Variants in GLYCTK observed in about 807,000 individuals in gnomAD.
GLYCTK encodes glycerate kinase.
GLYCTK carries 22 observed loss-of-function variants against 24.8 expected under a neutral mutation model. The observed-to-expected ratio is 0.89, with a 90% CI of 0.63 to 1.27. The LOEUF (loss-of-function observed/expected upper bound fraction) is 1.27, where lower values mean the gene tolerates loss of function less well. Among genes scored for constraint, GLYCTK ranks in the 50% most tolerant of loss-of-function variants. The probability of loss-of-function intolerance (pLI) is 0.00; values close to 1 mark genes in which losing one functional copy is unlikely to be tolerated. For missense variants in GLYCTK, 684 were observed against 686.7 expected (o/e 1.00, Z 0.04); for synonymous variants, 320 against 297.2 (o/e 1.08, Z -0.79).
chr3:52,292,083 G>A (rs915090217), intron 4 of GLYCTK, among the ~76,000 whole-genome samples, 161 bp downstream of exon 4: 2 of 152,230 alleles, frequency 1.3e-5, no homozygotes, highest in Non-Finnish European at 2.9e-5. Flanking sequence ...CAGAGACGGG[G>A]AGGAGGTGCC....
In GLYCTK at chr3:52,293,045, G is replaced by A. The variant is rs1174681511; in HGVS notation, c.1491G>A (p.Gln497=). The A allele has an allele frequency of 6.2e-7, 1 of 1,614,144 alleles. No homozygotes were observed. The highest frequency in any genetic ancestry group is 8.5e-7 in the Non-Finnish European group (1 of 1,180,032). The stretch of plus-strand genomic sequence containing the variant: ...CACATACCTTCTTCTGCTGCCTCCA[G>A]GGTGGGGCACACCTGCTGCACACAG... ...NDSHTFFCCL[Q]GGAHLLHTGM... The change falls in exon 5 of 5, where the codon CAG becomes CAA. Residue 497 remains glutamine, a synonymous_variant. Transcript: ENST00000436784.
chr3:52,295,078 AC>A lies in GLYCTK; in HGVS notation c.*1956del. On this transcript the variant is annotated 3_prime_UTR_variant, in exon 5 of 5. Transcript: ENST00000436784. Reference sequence around the variant, plus strand: ...GCTGGGAGGCCAGGGCCCGGATTGGACCCCATAGGGCCAAATGGTCTGTGAG... The same window carrying A: ...GCTGGGAGGCCAGGGCCCGGATTGGACCCATAGGGCCAAATGGTCTGTGAG... The A allele has an allele frequency of 2.2e-6, 1 of 453,836 alleles. No individual in the cohort carries two copies. 28.1% of individuals were successfully genotyped at this position (453,836 alleles called of 1,614,324 possible).
rs1171689829 is a variant in GLYCTK at position 52,293,999 on chromosome 3, A to T, written c.*873A>T. On this transcript the variant is annotated 3_prime_UTR_variant, in exon 5 of 5. Coordinates refer to ENST00000436784, the MANE Select transcript of GLYCTK (RefSeq NM_145262.4). Reference sequence around the variant, plus strand: ...GGGACCAAGTCCAGACCCTGAAGTCAGCCCTTCAGTGGGGGTCCCAGCACT... The same window carrying T: ...GGGACCAAGTCCAGACCCTGAAGTCTGCCCTTCAGTGGGGGTCCCAGCACT... The T allele has an allele frequency of 7.0e-6, 3 of 428,418 alleles. No homozygotes were observed. The highest frequency in any genetic ancestry group is 3.3e-5 in the South Asian group (2 of 60,616). The allele number at this position is 428,418 out of a possible 1,614,324, so 26.5% of individuals were successfully genotyped here.
In GLYCTK at chr3:52,293,650, AGT is replaced by A. The variant is rs575275705; in HGVS notation, c.*530_*531del. On this transcript the variant is annotated 3_prime_UTR_variant, in exon 5 of 5. Transcript: ENST00000436784. ...CGGGAGCCTGTGCCCATCCCTCTGG[AGT>A]GTGTGAGGGTTGAGCTTGGCTCCTG... 416 of 454,212 alleles carry A rather than the reference AGT, an allele frequency of 9.2e-4. 1 individual carries two copies. Among genetic ancestry groups the A allele is most frequent in the Non-Finnish European group, 1.3e-3 (300 of 226,962 alleles). 28.1% of individuals were successfully genotyped at this position (454,212 alleles called of 1,614,324 possible).
chr3:52,293,790 C>T lies in GLYCTK; in HGVS notation c.*664C>T, dbSNP rs1471278215. 4.4e-6 allele frequency: 2 copies of T among 453,742 alleles called. No individual in the cohort carries two copies. Among genetic ancestry groups the T allele is most frequent in the Non-Finnish European group, 8.8e-6 (2 of 226,626 alleles). 28.1% of individuals were successfully genotyped at this position (453,742 alleles called of 1,614,324 possible). A position where few individuals can be genotyped will look rare whatever the true frequency, so the allele number is the denominator to read the frequency against. On this transcript the variant is annotated 3_prime_UTR_variant, in exon 5 of 5. Transcript: ENST00000436784. ...CATGACTCCACCATGGCACTGTCAC[C>T]ATGGCTTCTCCAGCCTCAGCTTGTA...
In GLYCTK at chr3:52,293,936, T is replaced by C. The variant is rs1375671092; in HGVS notation, c.*810T>C. 2.2e-6 allele frequency: 1 copy of C among 453,100 alleles called. No individual in the cohort carries two copies. The highest frequency in any genetic ancestry group is 4.4e-6 in the Non-Finnish European group (1 of 226,144). The allele number at this position is 453,100 out of a possible 1,614,324, so 28.1% of individuals were successfully genotyped here. ...TGTTTCCTTGTGACAGCCCTTGTCC[T>C]AGGCTGAACATCCCTAGTTCCTTCA... On this transcript the variant is annotated 3_prime_UTR_variant, in exon 5 of 5. Coordinates refer to ENST00000436784, the MANE Select transcript of GLYCTK (RefSeq NM_145262.4).
At position 52,292,629 on chromosome 3, in the gene GLYCTK, C is replaced by T; in HGVS notation, c.1075C>T (p.Leu359Phe). Residue 359 changes from leucine to phenylalanine, a missense_variant, in exon 5 of 5, where the codon CTC becomes TTC. Physicochemically the swap from Leu to Phe is conservative, Grantham distance 22. Coordinates refer to ENST00000436784, the MANE Select transcript of GLYCTK (RefSeq NM_145262.4). ...GLLAHVARTR[L>F]TPSMAGASVE... ...GCTGGCCCATGTGGCTAGAACCCGCCTCACCCCATCCATGGCTGGGGCTTC... is the reference window on the plus strand; with the variant it reads ...GCTGGCCCATGTGGCTAGAACCCGCTTCACCCCATCCATGGCTGGGGCTTC... 1.2e-6 allele frequency: 2 copies of T among 1,610,460 alleles called. No homozygotes were observed. The highest frequency in any genetic ancestry group is 1.7e-6 in the Non-Finnish European group (2 of 1,177,472).
Position 52,290,727 on chromosome 3 carries a change from G to C in GLYCTK, c.377+8G>C. The C allele has an allele frequency of 6.2e-7, 1 of 1,608,720 alleles. No homozygotes were observed. The highest frequency in any genetic ancestry group is 8.5e-7 in the Non-Finnish European group (1 of 1,176,524). On this transcript the variant is annotated splice_region_variant and intron_variant, in intron 2 of 4. Coordinates refer to ENST00000436784, the MANE Select transcript of GLYCTK (RefSeq NM_145262.4). ...GGAGCGTGCCGGCAAGCAGTAAGGA[G>C]CCATGGGGGCCTGCCTCCCTCTATC...
chr3:52,290,241 C>A, intron 1 of GLYCTK, 63 bp from the exon 2 acceptor site: 4 of 1,388,350 alleles, frequency 2.9e-6, no homozygotes, highest in Non-Finnish European at 3.9e-6. Context: ...CTCAGAGGGG[C>A]GGCCGTGGGG....
intron 2 of GLYCTK, 87 bp from the exon 3 acceptor site, chr3:52,290,873 A>C: frequency 1.3e-6 from 2 of 1,598,474 alleles, no homozygotes; most frequent in Non-Finnish European, 1.7e-6. Context: ...ATCTTCGTTC[A>C]TGCCCCCATC....
At chr3:52,290,886 C>A (rs1486592257) in intron 2 of GLYCTK, 74 bp from the exon 3 acceptor site, 18 of 1,604,390 alleles carry the variant, frequency 1.1e-5, no homozygotes, top group Non-Finnish European at 1.3e-5. Context: ...CCCCCATCAC[C>A]TGTAAAGTTG....
Position 52,292,355 on chromosome 3 carries a change from C to A in GLYCTK, c.801C>A (p.Cys267Ter). ...CCAGTTCCCACAATGTGCAAGATTG[C>A]CTGCATATCCTCAATCGCTACGGCC... ...TVASSHNVQD[C>*]LHILNRYGLR... The change falls in exon 5 of 5, where the codon TGC (cysteine) becomes TGA (stop). Residue 267 changes from cysteine to a stop codon, truncating the protein, a stop_gained. Transcript: ENST00000436784. LOFTEE classifies it high-confidence loss of function. The A allele has an allele frequency of 6.2e-7, 1 of 1,614,022 alleles. No homozygotes were observed. The highest frequency in any genetic ancestry group is 8.5e-7 in the Non-Finnish European group (1 of 1,180,004).
Position 52,293,398 on chromosome 3 carries a change from G to A in GLYCTK, c.*272G>A, listed in dbSNP as rs1490959333. On this transcript the variant is annotated 3_prime_UTR_variant, in exon 5 of 5. Transcript: ENST00000436784. The stretch of plus-strand genomic sequence containing the variant: ...CGTTCCCGTGCTTCTCCCTTGGGCA[G>A]CCTCTCTCTTGAGCCCCTCACCCTG... 1.5e-6 allele frequency: 1 copy of A among 669,162 alleles called. No individual in the cohort carries two copies. The highest frequency in any genetic ancestry group is 2.9e-5 in the East Asian group (1 of 34,318). The allele number at this position is 669,162 out of a possible 1,614,324, so 41.5% of individuals were successfully genotyped here.
intron 1 of GLYCTK, 26 bp downstream of exon 1, chr3:52,287,902 A>G (rs1044831538): frequency 2.0e-5 from 9 of 449,124 alleles, no homozygotes; most frequent in Non-Finnish European, 3.6e-5. Context: ...CAGGGCTCGC[A>G]TGGCCTTCAG....
rs748714785 is a variant in GLYCTK at position 52,294,149 on chromosome 3, G to T, written c.*1023G>T. Reference sequence around the variant, plus strand: ...GTTGGCCTGGCCAGCAGCCTGGGTTGAGAGAGGGAGGTGCCACTGTCCTGC... The same window carrying T: ...GTTGGCCTGGCCAGCAGCCTGGGTTTAGAGAGGGAGGTGCCACTGTCCTGC... On this transcript the variant is annotated 3_prime_UTR_variant, in exon 5 of 5. Transcript: ENST00000436784. The T allele has an allele frequency of 1.9e-6, 1 of 531,614 alleles. No individual in the cohort carries two copies. Among genetic ancestry groups the T allele is most frequent in the Non-Finnish European group, 3.9e-6 (1 of 259,022 alleles). 32.9% of individuals were successfully genotyped at this position (531,614 alleles called of 1,614,324 possible). A position where few individuals can be genotyped will look rare whatever the true frequency, so the allele number is the denominator to read the frequency against.
In GLYCTK at chr3:52,291,890, G is replaced by C. The variant is rs527816089; in HGVS notation, c.673G>C (p.Gly225Arg). The change falls in exon 4 of 5, where the codon GGG (glycine) becomes CGG (arginine). Residue 225 changes from glycine to arginine, a missense_variant. Transcript: ENST00000436784. ...GAAGGCCCTGTCCCAGCTCAAGGGT[G>C]GGGGGCTGGCTCAGGCCGCCTACCC... ...IRKALSQLKG[G>R]GLAQAAYPAQ... The C allele has an allele frequency of 3.2e-5, 52 of 1,613,408 alleles. No individual in the cohort carries two copies. Among genetic ancestry groups the C allele is most frequent in the South Asian group, 7.7e-5 (7 of 91,074 alleles).
chr3:52,291,167 CAGGT>C, intron 3 of GLYCTK, 56 bp downstream of exon 3: 1 of 1,592,960 alleles, frequency 6.3e-7, no homozygotes, highest in Non-Finnish European at 8.5e-7. Flanking sequence ...CCTGATCTCT[CAGGT>C]CTTCGAGAGA....
rs1169603355 is a variant in GLYCTK, at chr3:52,293,165, C to T, written c.*39C>T. The stretch of plus-strand genomic sequence containing the variant: ...ATTTTGGGAGTTCAGAGGAGGCCTA[C>T]AAGGGCAAGGTCAGATGGCAGAGCA... On this transcript the variant is annotated 3_prime_UTR_variant, in exon 5 of 5. Transcript: ENST00000436784. 2.5e-6 allele frequency: 4 copies of T among 1,609,766 alleles called. No individual in the cohort carries two copies. Among genetic ancestry groups the T allele is most frequent in the South Asian group, 1.1e-5 (1 of 90,948 alleles).
chr3:52,291,706 TG>T, intron 3 of GLYCTK, 40 bp from the exon 4 acceptor site: 1 of 1,598,018 alleles, frequency 6.3e-7, no homozygotes, highest in Non-Finnish European at 8.6e-7. Flanking sequence ...TTCCCTGGGT[TG>T]GGATAGCCCC....
Sources: gnomAD v4.1 joint callset for allele counts (sites outside exome capture counted in the v4.1 genomes callset) on GRCh38, gnomAD v4.1.1 for gene constraint, MANE v1.5 for transcripts, NCBI Gene and HGNC (gene_info 2026-07-23, HGNC 2026-07-21) for gene names.